The following INTS6 variants were observed in gnomAD, a reference collection of about 807,000 sequenced individuals.
INTS6 encodes the protein DEAD box protein.
In INTS6, 16 loss-of-function variants were observed where a neutral mutation model predicts 104.9. The observed-to-expected ratio is 0.15, with a 90% CI of 0.10 to 0.23. INTS6 has a LOEUF of 0.23. INTS6 is among the 10% of genes least tolerant of loss of function. The pLI, the probability that INTS6 is intolerant of heterozygous loss-of-function variation, is 1.00. For missense variants in INTS6, 584 were observed against 1,062.8 expected, an observed-to-expected ratio of 0.55 and a Z score of 6.26; for synonymous variants, 324 against 358.7, an observed-to-expected ratio of 0.90 and a Z score of 1.09.
rs1020886066 is a variant in INTS6 at position 51,397,054 on chromosome 13, T to C, written c.430-1571A>G. 3.3e-5 allele frequency among the ~76,000 whole-genome samples: 5 copies of C among 152,238 alleles called. No individual in the cohort carries two copies. The East Asian group carries it at 9.6e-4, about 29-fold the overall frequency. On this transcript the variant is annotated intron_variant, in intron 4 of 17. Coordinates refer to ENST00000311234, the MANE Select transcript of INTS6 (RefSeq NM_012141.3). ...CTACAAATACTGGAGTATATTTTTA[T>C]ACAAAACATGCTTTAAAATGATCAC...
intron 3 of INTS6, chr13:51,437,386 T>C (rs1247705116): frequency 6.6e-6 from 1 of 151,992 alleles, no homozygotes; most frequent in Non-Finnish European, 1.5e-5. Context: ...ACCTTGAATG[T>C]AGGGCAAAGA....
At chr13:51,382,871 G>A (rs1197150576) in intron 9 of INTS6, among the ~76,000 whole-genome samples, 1 of 152,234 alleles carries the variant, frequency 6.6e-6, no homozygotes, top group East Asian at 1.9e-4. Context: ...GAGATCAGGA[G>A]TTCAAGACCA....
the INTS6 span, among the ~76,000 whole-genome samples, chr13:51,342,850 A>T: frequency 4.6e-5 from 7 of 152,308 alleles, no homozygotes; most frequent in South Asian, 1.5e-3. Flanking sequence ...GTATGTTTTT[A>T]TCCATTTTTT....
chr13:51,452,102 G>A lies in INTS6; in HGVS notation c.112-47C>T. ...AGGGCGGGCGACAGGGAAGCACAGA[G>A]GCGAGGTTACGAGGCGGAGAAGGGG... On this transcript the variant is annotated intron_variant, in intron 1 of 17. Coordinates refer to ENST00000311234, the MANE Select transcript of INTS6 (RefSeq NM_012141.3). The surrounding 1 kb of genome is among the most constrained non-coding windows in gnomAD (Gnocchi z 4.2). 2 of 1,572,708 alleles carry A rather than the reference G, an allele frequency of 1.3e-6. No homozygotes were observed. Among genetic ancestry groups the A allele is most frequent in the African/African-American group, 1.3e-5 (1 of 74,096 alleles).
intron 13 of INTS6, 93 bp from the exon 14 acceptor site, chr13:51,374,889 T>C (rs1955887353): frequency 1.6e-6 from 2 of 1,261,984 alleles, no homozygotes; most frequent in Non-Finnish European, 2.2e-6. Context: ...AGTGTTATTC[T>C]AGACAGTCTT....
At chr13:51,389,816 C>T (rs1377186035) in intron 5 of INTS6, among the ~76,000 whole-genome samples, 1 of 152,056 alleles carries the variant, frequency 6.6e-6, no homozygotes, top group Admixed American at 6.5e-5. Flanking sequence ...TTATCTTTAA[C>T]ACATATACAC....
At chr13:51,432,929 C>A (rs976044130) in intron 3 of INTS6, among the ~76,000 whole-genome samples, 1 of 152,192 alleles carries the variant, frequency 6.6e-6, no homozygotes, top group Non-Finnish European at 1.5e-5. Flanking sequence ...CTCTCTTGGT[C>A]TCTACCAGTA....
At chr13:51,357,477 C>T (rs74729852), downstream of INTS6, among the ~76,000 whole-genome samples, 3,052 of 152,260 alleles carry the variant, frequency 0.02, 50 homozygotes, top group East Asian at 0.071. Flanking sequence ...TTTTGTACTA[C>T]TGATGGAACT....
Position 51,395,288 on chromosome 13 carries a change from C to CA in INTS6, c.613+11dup, listed in dbSNP as rs779724278. On this transcript the variant is annotated intron_variant, in intron 5 of 17. Transcript: ENST00000311234. ...CTTTAAGTTACCAAATTACTGCCAG[C>CA]AAAAAACTTACCGCCTGTCACTTCA... 11 of 1,580,422 alleles carry CA rather than the reference C, an allele frequency of 7.0e-6. No individual in the cohort carries two copies. The highest frequency in any genetic ancestry group is 5.7e-5 in the Admixed American group (3 of 53,024).
At chr13:51,344,521 C>A in the INTS6 span, 2 of 1,467,192 alleles carry the variant, frequency 1.4e-6, no homozygotes, top group African/African-American at 1.4e-5. Flanking sequence ...AAGGCTAAGG[C>A]AGAGGGCTGC....
chr13:51,364,316 T>G lies in INTS6; in HGVS notation c.*1436A>C. 1 of 1,294,682 alleles carries G rather than the reference T, an allele frequency of 7.7e-7. No individual in the cohort carries two copies. The highest frequency in any genetic ancestry group is 1.1e-6 in the Non-Finnish European group (1 of 945,152). The allele number at this position is 1,294,682 out of a possible 1,614,324, so 80.2% of individuals were successfully genotyped here. Reference sequence around the variant, plus strand: ...TCTCCACTTTCATCAATGCTTTTCTTCATAAAGTTATAATTTCATTTTGCT... The same window carrying G: ...TCTCCACTTTCATCAATGCTTTTCTGCATAAAGTTATAATTTCATTTTGCT... On this transcript the variant is annotated 3_prime_UTR_variant, in exon 18 of 18. Coordinates refer to ENST00000311234, the MANE Select transcript of INTS6 (RefSeq NM_012141.3).
At chr13:51,388,150 A>G (rs1956173233) in intron 6 of INTS6, among the ~76,000 whole-genome samples, 2 of 152,010 alleles carry the variant, frequency 1.3e-5, no homozygotes, top group African/African-American at 4.8e-5. Context: ...ATAATTTAAA[A>G]TAAATACACT....
chr13:51,412,482 G>A (rs544492297), intron 4 of INTS6, among the ~76,000 whole-genome samples: 4 of 152,298 alleles, frequency 2.6e-5, no homozygotes, highest in Admixed American at 1.3e-4. Context: ...AGATCCAGGT[G>A]AGAATTCTCA....
At chr13:51,446,367 C>G (rs1336236469) in intron 3 of INTS6, 1 of 152,204 alleles carries the variant, frequency 6.6e-6, no homozygotes, top group African/African-American at 2.4e-5. Flanking sequence ...TACGACCTCA[C>G]ACCCAATAGG....
At chr13:51,450,860 A>T in intron 3 of INTS6, 165 bp downstream of exon 3, 1 of 1,236,640 alleles carries the variant, frequency 8.1e-7, no homozygotes, top group Non-Finnish European at 1.0e-6. Context: ...AGGGATGTAA[A>T]ATATATATAG....
At chr13:51,405,205 C>T (rs1284619952) in intron 4 of INTS6, among the ~76,000 whole-genome samples, 2 of 151,994 alleles carry the variant, frequency 1.3e-5, no homozygotes, top group African/African-American at 4.8e-5. Flanking sequence ...GGGATGAAAA[C>T]TAAATTAAAC....
chr13:51,403,737 T>C (rs1333961661), intron 4 of INTS6, among the ~76,000 whole-genome samples: 1 of 152,122 alleles, frequency 6.6e-6, no homozygotes, highest in African/African-American at 2.4e-5. Flanking sequence ...AATGACCTAT[T>C]TACTTCGCAG....
intron 3 of INTS6, among the ~76,000 whole-genome samples, chr13:51,436,275 ATGTGTT>A (rs2138122486): frequency 6.6e-6 from 1 of 152,252 alleles, no homozygotes; most frequent in Non-Finnish European, 1.5e-5. Flanking sequence ...AAAATTAAAA[ATGTGTT>A]TGGTATTCTA....
the INTS6 span, among the ~76,000 whole-genome samples, chr13:51,337,218 G>A: frequency 6.6e-6 from 1 of 152,172 alleles, no homozygotes; most frequent in Non-Finnish European, 1.5e-5. Context: ...CCCCAGACAG[G>A]CAGCCCATAC....
Sources: gnomAD v4.1 joint callset for allele counts (sites outside exome capture counted in the v4.1 genomes callset) on GRCh38, gnomAD v4.1.1 for gene constraint, Gnocchi (gnomAD v3.1) non-coding constraint, MANE v1.5 for transcripts, NCBI Gene and HGNC (gene_info 2026-07-23, HGNC 2026-07-21) for gene names.